SCRG1: variants seen among roughly 807,000 people sequenced by gnomAD.
The protein encoded by SCRG1 is scrapie-responsive protein 1.
In SCRG1, 3 loss-of-function variants were observed where a neutral mutation model predicts 7.7. That is an observed-to-expected ratio of 0.39 (90% CI 0.18 to 1.01). The LOEUF (loss-of-function observed/expected upper bound fraction) is 1.01. Among genes scored for constraint, SCRG1 ranks in the 50% least tolerant of loss-of-function variants. The pLI, the probability that SCRG1 is intolerant of heterozygous loss-of-function variation, is 0.36. For missense variants in SCRG1, 110 were observed against 117.2 expected, an observed-to-expected ratio of 0.94 and a Z score of 0.28; for synonymous variants, 46 against 41.2, an observed-to-expected ratio of 1.12 and a Z score of -0.44.
At chr4:173,461,516 C>A in the SCRG1 span, among the ~76,000 whole-genome samples, 1 of 152,202 alleles carries the variant, frequency 6.6e-6, no homozygotes, top group East Asian at 1.9e-4. Flanking sequence ...GCTTGGGGTG[C>A]CCCTTAAAGC....
chr4:173,486,316 A>G, the SCRG1 span, among the ~76,000 whole-genome samples: 1 of 152,250 alleles, frequency 6.6e-6, no homozygotes, highest in Admixed American at 6.5e-5. Context: ...CTCCTAGGTG[A>G]TTTTAACCTT....
At chr4:173,430,697 C>T in the SCRG1 span, among the ~76,000 whole-genome samples, 1 of 150,694 alleles carries the variant, frequency 6.6e-6, no homozygotes, top group African/African-American at 2.4e-5. Context: ...GTCCCAGCTA[C>T]TTGGGAGGCT....
the SCRG1 span, among the ~76,000 whole-genome samples, chr4:173,415,649 A>T: frequency 6.6e-6 from 1 of 152,212 alleles, no homozygotes; most frequent in African/African-American, 2.4e-5. Flanking sequence ...AATCTGTGAC[A>T]TTGGTATTAC....
At chr4:173,469,958 T>C in the SCRG1 span, 1 of 151,758 alleles carries the variant, frequency 6.6e-6, no homozygotes, top group Admixed American at 6.6e-5. Context: ...CTCCAGTAAA[T>C]GAATGACAGT....
chr4:173,482,365 C>T, the SCRG1 span, among the ~76,000 whole-genome samples: 1 of 152,142 alleles, frequency 6.6e-6, no homozygotes, highest in African/African-American at 2.4e-5. Context: ...TAACATATGT[C>T]ATGTGTACTA....
chr4:173,506,366 G>A, the SCRG1 span, among the ~76,000 whole-genome samples: 1 of 152,068 alleles, frequency 6.6e-6, no homozygotes, highest in African/African-American at 2.4e-5. This position sits in a 1 kb window ranked among gnomAD's most constrained non-coding sequence, Gnocchi z 5.3. Flanking sequence ...CGTCTCCCAG[G>A]TTACCAGGAG....
the SCRG1 span, among the ~76,000 whole-genome samples, chr4:173,517,333 C>G: frequency 3.9e-5 from 6 of 152,230 alleles, no homozygotes; most frequent in Admixed American, 3.9e-4. Flanking sequence ...AAACCACTTT[C>G]ATCCAGCATG....
chr4:173,488,133 AT>A, the SCRG1 span, among the ~76,000 whole-genome samples: 1 of 151,214 alleles, frequency 6.6e-6, no homozygotes, highest in Non-Finnish European at 1.5e-5. Context: ...AAATAAATAA[AT>A]TTAAAAAATG....
the SCRG1 span, among the ~76,000 whole-genome samples, chr4:173,427,699 C>T: frequency 1.3e-5 from 2 of 152,144 alleles, no homozygotes; most frequent in South Asian, 4.1e-4. Context: ...ACTGGACAGC[C>T]CACACCTCTA....
chr4:173,476,363 A>AAAAAAAAAAATATATAT, the SCRG1 span, among the ~76,000 whole-genome samples: 1 of 98,506 alleles, frequency 1.0e-5, no homozygotes, highest in Non-Finnish European at 2.3e-5. Flanking sequence ...GGAAAAAAAA[A>AAAAAAAAAAATATATAT]ATATATATAT....
the SCRG1 span, among the ~76,000 whole-genome samples, chr4:173,503,914 G>A: frequency 2.6e-5 from 4 of 152,196 alleles, no homozygotes; most frequent in Non-Finnish European, 4.4e-5. The surrounding 1 kb of genome is among the most constrained non-coding windows in gnomAD (Gnocchi z 6.4). Context: ...AGCGGGGTGC[G>A]TGGGGATAGT....
At chr4:173,422,280 G>C in the SCRG1 span, among the ~76,000 whole-genome samples, 1 of 152,138 alleles carries the variant, frequency 6.6e-6, no homozygotes, top group Admixed American at 6.5e-5. Flanking sequence ...ATTTTAAGTG[G>C]TTATTAATTT....
At chr4:173,507,519 TA>T in the SCRG1 span, among the ~76,000 whole-genome samples, 3 of 152,204 alleles carry the variant, frequency 2.0e-5, no homozygotes, top group African/African-American at 7.2e-5. The surrounding 1 kb of genome is among the most constrained non-coding windows in gnomAD (Gnocchi z 4.4). Flanking sequence ...CCTGTTCTTT[TA>T]AAAATAGCCG....
upstream of SCRG1, among the ~76,000 whole-genome samples, chr4:173,400,629 G>A (rs7661812): frequency 0.087 from 13,268 of 152,234 alleles, 1,365 homozygotes; most frequent in African/African-American, 0.24. Flanking sequence ...GTACCACTAA[G>A]AAGTTACTGT....
the SCRG1 span, among the ~76,000 whole-genome samples, chr4:173,418,795 T>G: frequency 6.6e-6 from 1 of 152,136 alleles, no homozygotes; most frequent in Admixed American, 6.5e-5. Flanking sequence ...TGAGATCTGT[T>G]TGTTTAAAAG....
the SCRG1 span, among the ~76,000 whole-genome samples, chr4:173,507,734 G>A: frequency 1.3e-5 from 2 of 152,222 alleles, no homozygotes; most frequent in Non-Finnish European, 2.9e-5. The surrounding 1 kb of genome is among the most constrained non-coding windows in gnomAD (Gnocchi z 4.4). Context: ...CAGGATGAGA[G>A]AGCAATCTCT....
At chr4:173,483,377 T>TATATAA in the SCRG1 span, among the ~76,000 whole-genome samples, 11 of 16,150 alleles carry the variant, frequency 6.8e-4, no homozygotes, top group African/African-American at 2.1e-3. Context: ...TAATATTATA[T>TATATAA]TATATATTAT....
chr4:173,507,556 G>A, the SCRG1 span, among the ~76,000 whole-genome samples: 6 of 152,080 alleles, frequency 3.9e-5, no homozygotes, highest in Non-Finnish European at 7.3e-5. This position sits in a 1 kb window ranked among gnomAD's most constrained non-coding sequence, Gnocchi z 4.4. Context: ...ACTACCAAAA[G>A]CCAGATCTGT....
intron 1 of SCRG1, among the ~76,000 whole-genome samples, chr4:173,396,433 A>G (rs980950405): frequency 1.3e-5 from 2 of 152,240 alleles, no homozygotes; most frequent in African/African-American, 2.4e-5. Context: ...TCAGAGGACT[A>G]GAAGAGGAGA....
Sources: gnomAD v4.1 joint callset for allele counts (sites outside exome capture counted in the v4.1 genomes callset) on GRCh38, gnomAD v4.1.1 for gene constraint, Gnocchi (gnomAD v3.1) non-coding constraint, MANE v1.5 for transcripts, NCBI Gene and HGNC (gene_info 2026-07-23, HGNC 2026-07-21) for gene names.